Variants in LY86 observed in about 807,000 individuals in gnomAD.
The protein encoded by LY86 is lymphocyte antigen 86, also known as MD-1, RP105-associated.
In LY86, 20 loss-of-function variants were observed where a neutral mutation model predicts 17.3. The observed-to-expected ratio is 1.15, with a 90% CI of 0.81 to 1.68. The LOEUF is 1.68. Ranked by LOEUF, LY86 falls within the 40% of genes most tolerant of loss-of-function variation. LY86 has a pLI of 0.00. For synonymous variants in LY86, 74 were observed against 70.6 expected, an observed-to-expected ratio of 1.05 and a Z score of -0.24; for missense variants, 200 against 191.9, an observed-to-expected ratio of 1.04 and a Z score of -0.25.
chr6:6,644,665 G>A (rs1042187945), intron 3 of LY86, among the ~76,000 whole-genome samples: 10 of 151,606 alleles, frequency 6.6e-5, no homozygotes, highest in Admixed American at 2.0e-4. Flanking sequence ...AAAAAAAGCT[G>A]ATATTCAGAA....
At chr6:6,645,742 A>G (rs188276851) in intron 3 of LY86, among the ~76,000 whole-genome samples, 1 of 151,946 alleles carries the variant, frequency 6.6e-6, no homozygotes, top group East Asian at 2.0e-4. Context: ...GATAGCCAGC[A>G]GGAGTGCTCT....
At chr6:6,625,484 C>T (rs904561753) in intron 2 of LY86, among the ~76,000 whole-genome samples, 2 of 152,272 alleles carry the variant, frequency 1.3e-5, no homozygotes, top group African/African-American at 2.4e-5. Flanking sequence ...TTCTCTCCTA[C>T]CCCAATCAGT....
chr6:6,590,024 G>A (rs1252890393), intron 1 of LY86, among the ~76,000 whole-genome samples: 1 of 150,316 alleles, frequency 6.7e-6, no homozygotes, highest in African/African-American at 2.4e-5. Context: ...GGGAGGCTGA[G>A]GCAGAATTGC....
intron 4 of LY86, among the ~76,000 whole-genome samples, chr6:6,650,221 A>C (rs1208710323): frequency 1.3e-5 from 2 of 152,254 alleles, no homozygotes; most frequent in Non-Finnish European, 2.9e-5. Flanking sequence ...CTCACAGCTA[A>C]GAGTAGAATT....
At chr6:6,599,881 T>C (rs1481195302) in intron 1 of LY86, among the ~76,000 whole-genome samples, 1 of 152,032 alleles carries the variant, frequency 6.6e-6, no homozygotes, top group Non-Finnish European at 1.5e-5. Flanking sequence ...TATTCAAGCA[T>C]AAAAACCATC....
intron 1 of LY86, among the ~76,000 whole-genome samples, chr6:6,594,001 CATAA>C (rs1462413436): frequency 1.3e-5 from 2 of 152,238 alleles, no homozygotes; most frequent in Non-Finnish European, 2.9e-5. Flanking sequence ...GGCAATCCTC[CATAA>C]ATATTGTTGC....
chr6:6,605,956 G>A (rs939141231), intron 1 of LY86, among the ~76,000 whole-genome samples: 16 of 151,996 alleles, frequency 1.1e-4, no homozygotes, highest in African/African-American at 2.2e-4. Context: ...ACTCATAAAA[G>A]AAGCGTGGAC....
intron 3 of LY86, among the ~76,000 whole-genome samples, chr6:6,641,473 A>G (rs1449484517): frequency 6.6e-6 from 1 of 152,160 alleles, no homozygotes; most frequent in Non-Finnish European, 1.5e-5. Flanking sequence ...CTTGGAGCAC[A>G]GCTGTGATCT....
chr6:6,613,373 G>GGGGGAGT (rs1467055550), intron 1 of LY86, among the ~76,000 whole-genome samples: 3 of 152,194 alleles, frequency 2.0e-5, no homozygotes, highest in African/African-American at 7.2e-5. Flanking sequence ...AGCTCACAGC[G>GGGGGAGT]GGGGAGTGGG....
At chr6:6,612,260 T>C (rs780292604) in intron 1 of LY86, among the ~76,000 whole-genome samples, 2 of 152,182 alleles carry the variant, frequency 1.3e-5, no homozygotes, top group Non-Finnish European at 2.9e-5. Flanking sequence ...CCTTCTGATG[T>C]TCAGATGTGT....
At chr6:6,616,079 G>A (rs951482184) in intron 1 of LY86, among the ~76,000 whole-genome samples, 3 of 152,182 alleles carry the variant, frequency 2.0e-5, no homozygotes, top group African/African-American at 7.2e-5. Flanking sequence ...TGGCCAAGAT[G>A]CTTTATATGC....
chr6:6,620,096 A>AAT (rs1761639786), intron 1 of LY86, among the ~76,000 whole-genome samples: 1 of 152,150 alleles, frequency 6.6e-6, no homozygotes. Context: ...TAACCATTTT[A>AAT]AACCCAAGCA....
chr6:6,605,894 A>G (rs956818184), intron 1 of LY86, among the ~76,000 whole-genome samples: 1 of 128,994 alleles, frequency 7.8e-6, no homozygotes, highest in Non-Finnish European at 1.5e-5. Context: ...GTGGGTTCTT[A>G]GTCTCGCTGG....
chr6:6,594,482 A>C (rs1282239178), intron 1 of LY86, among the ~76,000 whole-genome samples: 1 of 152,210 alleles, frequency 6.6e-6, no homozygotes, highest in Non-Finnish European at 1.5e-5. Flanking sequence ...GTAGTGTGAC[A>C]GTGACCACAT....
In LY86 at chr6:6,602,351, G is replaced by A. The variant is rs551734788; in HGVS notation, c.136+13481G>A. On this transcript the variant is annotated intron_variant, in intron 1 of 4. Transcript: ENST00000230568. ...CCCAAATCTATTAAAAATTATTCTC[G>A]ATACCCACAAACACCACTAAAACAT... Among the ~76,000 whole-genome samples the A allele has an allele frequency of 5.9e-5, 9 of 152,188 alleles. No individual in the cohort carries two copies. The South Asian group carries it at 6.2e-4, about 11-fold the overall frequency.
intron 1 of LY86, among the ~76,000 whole-genome samples, chr6:6,601,082 G>A (rs1415283606): frequency 1.3e-5 from 2 of 152,176 alleles, no homozygotes; most frequent in Non-Finnish European, 2.9e-5. Flanking sequence ...TCAGAGTACA[G>A]GCTTGCTAGC....
chr6:6,649,499 C>CGCTG, intron 3 of LY86, 126 bp from the exon 4 acceptor site: 1 of 453,302 alleles, frequency 2.2e-6, no homozygotes, highest in Admixed American at 4.1e-5. Context: ...GAAAACATTT[C>CGCTG]TAGCAATAGC....
At chr6:6,629,202 A>G (rs1383321678) in intron 3 of LY86, among the ~76,000 whole-genome samples, 1 of 152,236 alleles carries the variant, frequency 6.6e-6, no homozygotes, top group Admixed American at 6.5e-5. Flanking sequence ...AAAACTTCAT[A>G]TAGTGTAAAA....
intron 1 of LY86, 119 bp from the exon 2 acceptor site, chr6:6,624,807 G>A: frequency 1.6e-6 from 1 of 609,474 alleles, no homozygotes; most frequent in Admixed American, 3.1e-5. Flanking sequence ...AAAGTGTTGG[G>A]CAATATGCTT....
Sources: allele counts gnomAD v4.1 joint callset (sites outside exome capture counted in the v4.1 genomes callset), GRCh38; gene constraint gnomAD v4.1.1; transcripts MANE v1.5; gene names NCBI Gene and HGNC (gene_info 2026-07-23, HGNC 2026-07-21).